Variants in NDUFS7 observed in about 807,000 individuals in gnomAD.
NDUFS7 encodes the protein NADH dehydrogenase [ubiquinone] iron-sulfur protein 7, mitochondrial.
A neutral mutation model predicts 31.1 loss-of-function variants in NDUFS7; 11 were observed. That is an observed-to-expected ratio of 0.35 (90% confidence interval 0.22 to 0.59). The LOEUF (loss-of-function observed/expected upper bound fraction) is 0.59, where lower values mean the gene tolerates loss of function less well. Ranked by LOEUF, NDUFS7 falls within the 20% of genes least tolerant of loss-of-function variation. The probability of loss-of-function intolerance (pLI) is 0.79; values close to 1 mark genes in which losing one functional copy is unlikely to be tolerated. For synonymous variants in NDUFS7, 136 were observed against 127.9 expected, an observed-to-expected ratio of 1.06 and a Z score of -0.43; for missense variants, 263 against 324.2, an observed-to-expected ratio of 0.81 and a Z score of 1.45.
chr19:1,389,169 G>A lies in NDUFS7; in HGVS notation c.228+231G>A, dbSNP rs192541486. 1,023 of 693,666 alleles carry A rather than the reference G, an allele frequency of 1.5e-3. 12 individuals are homozygous for A. In the African/African-American group the frequency reaches 0.016, roughly 11 times the overall value. The allele number at this position is 693,666 out of a possible 1,614,324, so 43.0% of individuals were successfully genotyped here. On this transcript the variant is annotated intron_variant, in intron 4 of 7. Transcript: ENST00000233627. ...TGCACACTCGCACACATGCACACTT[G>A]CACACACATGCACACACAAGCACAT...
rs1012770194 is a variant in NDUFS7 at position 1,393,099 on chromosome 19, C to T, written c.456-143C>T. On this transcript the variant is annotated intron_variant, in intron 6 of 7. Transcript: ENST00000233627. This position sits in a 1 kb window ranked among gnomAD's most constrained non-coding sequence, Gnocchi z 7.3. ...GGCTCTGGGAGCCTGTGCGTGTTTG[C>T]TCATTGCTTCTCCGTGACAAGTTCC... is the stretch of plus-strand genomic sequence containing the variant. 2 of 681,184 alleles carry T rather than the reference C, an allele frequency of 2.9e-6. No homozygotes were observed. Among genetic ancestry groups the T allele is most frequent in the Non-Finnish European group, 5.2e-6 (2 of 382,134 alleles). The allele number at this position is 681,184 out of a possible 1,614,324, so 42.2% of individuals were successfully genotyped here.
Position 1,393,104 on chromosome 19 carries a change from T to C in NDUFS7, c.456-138T>C, listed in dbSNP as rs950545058. 1 of 695,304 alleles carries C rather than the reference T, an allele frequency of 1.4e-6. No homozygotes were observed. Among genetic ancestry groups the C allele is most frequent in the African/African-American group, 1.8e-5 (1 of 57,064 alleles). The allele number at this position is 695,304 out of a possible 1,614,324, so 43.1% of individuals were successfully genotyped here. A position where few individuals can be genotyped will look rare whatever the true frequency, so the allele number is the denominator to read the frequency against. On this transcript the variant is annotated intron_variant, in intron 6 of 7. Coordinates refer to ENST00000233627, the MANE Select transcript of NDUFS7 (RefSeq NM_024407.5). This position sits in a 1 kb window ranked among gnomAD's most constrained non-coding sequence, Gnocchi z 7.3. The stretch of plus-strand genomic sequence containing the variant: ...TGGGAGCCTGTGCGTGTTTGCTCAT[T>C]GCTTCTCCGTGACAAGTTCCAGCCT...
At position 1,393,345 on chromosome 19, in the gene NDUFS7, G is replaced by T; in HGVS notation, c.544+15G>T. 17 of 1,556,138 alleles carry T rather than the reference G, an allele frequency of 1.1e-5. No individual in the cohort carries two copies. The highest frequency in any genetic ancestry group is 1.4e-5 in the Non-Finnish European group (16 of 1,150,436). On this transcript the variant is annotated intron_variant, in intron 7 of 7. Coordinates refer to ENST00000233627, the MANE Select transcript of NDUFS7 (RefSeq NM_024407.5). This position sits in a 1 kb window ranked among gnomAD's most constrained non-coding sequence, Gnocchi z 7.3. ...CTACATCCCAGGTAGGGCCGGGACC[G>T]CACCGCCCACGAGGGAGCTGGAGAC...
rs1284062881 is a variant in NDUFS7 at position 1,393,613 on chromosome 19, C to A, written c.544+283C>A. The A allele has an allele frequency of 1.6e-6, 1 of 606,584 alleles. No homozygotes were observed. Among genetic ancestry groups the A allele is most frequent in the Non-Finnish European group, 3.0e-6 (1 of 338,718 alleles). The allele number at this position is 606,584 out of a possible 1,614,324, so 37.6% of individuals were successfully genotyped here. A position where few individuals can be genotyped will look rare whatever the true frequency, so the allele number is the denominator to read the frequency against. On this transcript the variant is annotated intron_variant, in intron 7 of 7. Transcript: ENST00000233627. The surrounding 1 kb of genome is among the most constrained non-coding windows in gnomAD (Gnocchi z 7.3). ...CAGTTTCATATGGTCCTACCTGGCA[C>A]AAACCAAAGACCTGCAGTTAGAAAT...
At chr19:1,391,486 C>G (rs201921663) in intron 6 of NDUFS7, among the ~76,000 whole-genome samples, 1 of 122,708 alleles carries the variant, frequency 8.1e-6, no homozygotes, top group African/African-American at 3.1e-5. Context: ...AGTTTTTTTT[C>G]TTTTTTTTTT....
At chr19:1,386,481 C>T (rs543951510) in intron 1 of NDUFS7, 4 of 150,960 alleles carry the variant, frequency 2.6e-5, no homozygotes, top group South Asian at 2.1e-4. Context: ...CGTGACCTCA[C>T]TGTCCTTTAT....
Position 1,387,861 on chromosome 19 carries a change from T to C in NDUFS7, c.53+14T>C, listed in dbSNP as rs774566128. 30 of 1,468,232 alleles carry C rather than the reference T, an allele frequency of 2.0e-5. No individual in the cohort carries two copies. The highest frequency in any genetic ancestry group is 2.5e-5 in the Non-Finnish European group (27 of 1,100,502). The allele number at this position is 1,468,232 out of a possible 1,614,324, so 91.0% of individuals were successfully genotyped here. ...CCTTGGTCTGCGGTGAGTGCCTGAG[T>C]CTCCAGCCCTCAGCTGGGAGGGGCC... On this transcript the variant is annotated intron_variant, in intron 2 of 7. Coordinates refer to ENST00000233627, the MANE Select transcript of NDUFS7 (RefSeq NM_024407.5).
At position 1,393,172 on chromosome 19, in the gene NDUFS7, C is replaced by T. The variant is rs2082568819; in HGVS notation, c.456-70C>T. ...CAGTTGAAGGCGGGTGGGGATGGGG[C>T]GAGGCCTCGTGGAGGGAGGGTGGGC... On this transcript the variant is annotated intron_variant, in intron 6 of 7. Transcript: ENST00000233627. This position sits in a 1 kb window ranked among gnomAD's most constrained non-coding sequence, Gnocchi z 7.3. 9 of 1,289,088 alleles carry T rather than the reference C, an allele frequency of 7.0e-6. No individual in the cohort carries two copies. Among genetic ancestry groups the T allele is most frequent in the Admixed American group, 2.0e-5 (1 of 49,508 alleles). 79.9% of individuals were successfully genotyped at this position (1,289,088 alleles called of 1,614,324 possible). A position where few individuals can be genotyped will look rare whatever the true frequency, so the allele number is the denominator to read the frequency against.
chr19:1,388,371 G>A, intron 2 of NDUFS7, 154 bp from the exon 3 acceptor site: 1 of 720,960 alleles, frequency 1.4e-6, no homozygotes, highest in South Asian at 1.6e-5. Context: ...TGGCCGCATG[G>A]CTCCAGCGGC....
In NDUFS7 at chr19:1,393,665, A is replaced by G. The variant is rs1318772675; in HGVS notation, c.544+335A>G. ...CCAAGCGAGAAGGTTCCTGGGGGCC[A>G]AGGACACTGTCCCGCGCCCTCAGCC... On this transcript the variant is annotated intron_variant, in intron 7 of 7. Transcript: ENST00000233627. This position sits in a 1 kb window ranked among gnomAD's most constrained non-coding sequence, Gnocchi z 7.3. The G allele has an allele frequency of 1.5e-5, 9 of 592,732 alleles. No individual in the cohort carries two copies. Among genetic ancestry groups the G allele is most frequent in the Non-Finnish European group, 2.7e-5 (9 of 331,424 alleles). 36.7% of individuals were successfully genotyped at this position (592,732 alleles called of 1,614,324 possible).
At chr19:1,394,217 C>T (rs2082576687) in intron 7 of NDUFS7, 8 of 444,332 alleles carry the variant, frequency 1.8e-5, no homozygotes, top group South Asian at 1.2e-4. Flanking sequence ...CTGGAAAGGG[C>T]GTTGATTTGT....
chr19:1,390,368 T>G (rs1367614617), intron 4 of NDUFS7: 1 of 207,716 alleles, frequency 4.8e-6, no homozygotes, highest in Non-Finnish European at 9.9e-6. Flanking sequence ...CCCTGCCAGG[T>G]CTCAGAGCCG....
At chr19:1,389,122 ACT>A (rs1207691896) in intron 4 of NDUFS7, 184 bp downstream of exon 4, 8 of 707,218 alleles carry the variant, frequency 1.1e-5, no homozygotes, top group Middle Eastern at 2.3e-4. Context: ...CCACACGCAC[ACT>A]CACGCACACA....
intron 2 of NDUFS7, chr19:1,388,120 G>A: frequency 1.7e-6 from 1 of 602,322 alleles, no homozygotes; most frequent in Non-Finnish European, 3.0e-6. Context: ...GGGGTGGGAA[G>A]GCATTCTCTG....
chr19:1,388,260 G>A, intron 2 of NDUFS7: 1 of 592,304 alleles, frequency 1.7e-6, no homozygotes, highest in Non-Finnish European at 3.0e-6. Context: ...TCCTTCTGTG[G>A]ATGATCCTGG....
chr19:1,383,932 G>T lies in NDUFS7; in HGVS notation c.6G>T (p.Ala2=). ...GTCTGAAGGCCGAGGCCAAGATGGC[G>T]GTGCTGTCAGGTGAGCGCGGCACCG... M[A]VLSAPGLRGF... is the part of the protein sequence containing the mutation. Residue 2 remains alanine (A), a synonymous_variant, in exon 1 of 8, where the codon GCG becomes GCT. Transcript: ENST00000233627. 6.3e-7 allele frequency: 1 copy of T among 1,579,374 alleles called. No individual in the cohort carries two copies. The highest frequency in any genetic ancestry group is 8.6e-7 in the Non-Finnish European group (1 of 1,163,944).
chr19:1,389,084 C>G (rs1386643239), intron 4 of NDUFS7, 146 bp downstream of exon 4: 2 of 759,474 alleles, frequency 2.6e-6, no homozygotes, highest in Non-Finnish European at 4.6e-6. Flanking sequence ...CATGCAAGCT[C>G]ACATGTATGG....
At chr19:1,389,531 T>C (rs1414875183) in intron 4 of NDUFS7, 1 of 457,130 alleles carries the variant, frequency 2.2e-6, no homozygotes. Context: ...TCCGTTTCCG[T>C]CATTCTCTTT....
chr19:1,389,144 TGCACACTC>T (rs1568989425), intron 4 of NDUFS7: 1 of 703,142 alleles, frequency 1.4e-6, no homozygotes, highest in Non-Finnish European at 2.6e-6. Context: ...AATGCACATA[TGCACACTC>T]GCACACATGC....
Sources: allele counts gnomAD v4.1 joint callset (sites outside exome capture counted in the v4.1 genomes callset), GRCh38; gene constraint gnomAD v4.1.1; non-coding constraint Gnocchi (gnomAD v3.1); transcripts MANE v1.5; gene names NCBI Gene and HGNC (gene_info 2026-07-23, HGNC 2026-07-21).